Variants in PIP5K1B observed in about 807,000 individuals in gnomAD.
The protein encoded by PIP5K1B is phosphatidylinositol 4-phosphate 5-kinase type-1 beta.
PIP5K1B carries 42 observed loss-of-function variants against 67.0 expected under a neutral mutation model. The ratio of observed to expected loss-of-function variants is 0.63; its 90% CI spans 0.49 to 0.81. PIP5K1B has a LOEUF of 0.81. Among genes scored for constraint, PIP5K1B ranks in the 30% least tolerant of loss-of-function variants. The pLI is 0.00. For synonymous variants in PIP5K1B, 214 were observed against 231.4 expected, an observed-to-expected ratio of 0.92 and a Z score of 0.68; for missense variants, 459 against 646.3, an observed-to-expected ratio of 0.71 and a Z score of 3.14.
At chr9:69,003,806 G>T (rs995485745) in intron 15 of PIP5K1B, among the ~76,000 whole-genome samples, 5 of 152,120 alleles carry the variant, frequency 3.3e-5, no homozygotes, top group Admixed American at 2.0e-4. Context: ...AGTAAACCGA[G>T]GCCATCTGAG....
intron 8 of PIP5K1B, among the ~76,000 whole-genome samples, chr9:68,916,210 G>C (rs980568185): frequency 1.3e-5 from 2 of 152,106 alleles, no homozygotes; most frequent in African/African-American, 2.4e-5. Flanking sequence ...AGAAATACCA[G>C]GTATTAAGAA....
chr9:68,820,208 T>C (rs745950822), intron 3 of PIP5K1B, among the ~76,000 whole-genome samples: 9 of 152,236 alleles, frequency 5.9e-5, no homozygotes, highest in Non-Finnish European at 1.3e-4. Flanking sequence ...TGAAGGCCTG[T>C]ATTTTACCCT....
chr9:68,833,309 A>G (rs1177928478), intron 4 of PIP5K1B, among the ~76,000 whole-genome samples: 2 of 152,256 alleles, frequency 1.3e-5, no homozygotes, highest in African/African-American at 4.8e-5. Context: ...GGCAGTCAAG[A>G]TAAGAGTGGA....
At chr9:68,990,952 G>A (rs971786144) in intron 14 of PIP5K1B, among the ~76,000 whole-genome samples, 188 bp from the exon 15 acceptor site, 13 of 152,072 alleles carry the variant, frequency 8.5e-5, no homozygotes, top group Admixed American at 3.9e-4. Context: ...ATGAGCCACC[G>A]CGCCTGGGCT....
chr9:68,949,617 G>T (rs1275954663), intron 14 of PIP5K1B, among the ~76,000 whole-genome samples: 1 of 152,192 alleles, frequency 6.6e-6, no homozygotes, highest in Non-Finnish European at 1.5e-5. Flanking sequence ...AGACATGCCT[G>T]GACAGGCCCT....
rs1225056161 is a variant in PIP5K1B at position 68,919,557 on chromosome 9, A to G, written c.1062A>G (p.Ser354=). ...TGGGCATTATTGACATTCTGCAATC[A>G]TATAGGTAAGAAGTTTGAGGAGTGG... ...LFMGIIDILQ[S]YRLMKKLEHS... Residue 354 remains serine (S), a synonymous_variant, in exon 10 of 16, where the codon TCA becomes TCG. Coordinates refer to ENST00000265382, the MANE Select transcript of PIP5K1B (RefSeq NM_003558.4). 1 of 1,573,352 alleles carries G rather than the reference A, an allele frequency of 6.4e-7. No individual in the cohort carries two copies. The highest frequency in any genetic ancestry group is 8.7e-7 in the Non-Finnish European group (1 of 1,147,262).
intron 8 of PIP5K1B, 136 bp downstream of exon 8, chr9:68,894,774 C>T (rs375360331): frequency 4.3e-5 from 34 of 797,718 alleles, no homozygotes; most frequent in East Asian, 1.6e-4. Context: ...CCAATCCTGG[C>T]GCTGAGCCAT....
intron 4 of PIP5K1B, among the ~76,000 whole-genome samples, chr9:68,826,502 C>T (rs1046680547): frequency 6.6e-6 from 1 of 152,224 alleles, no homozygotes; most frequent in Non-Finnish European, 1.5e-5. Context: ...TAAAAATACA[C>T]TCTGGGCAAA....
At chr9:68,902,292 G>T (rs1186768854) in intron 8 of PIP5K1B, among the ~76,000 whole-genome samples, 2 of 152,084 alleles carry the variant, frequency 1.3e-5, no homozygotes, top group Non-Finnish European at 2.9e-5. Flanking sequence ...TCCTAATCCT[G>T]TGCAATTACC....
chr9:68,938,908 C>T (rs1827414375), intron 13 of PIP5K1B, among the ~76,000 whole-genome samples: 1 of 152,182 alleles, frequency 6.6e-6, no homozygotes, highest in African/African-American at 2.4e-5. Flanking sequence ...TTGTCTCTGA[C>T]CTCTAGACCC....
At chr9:68,918,295 G>T (rs1220882880) in intron 9 of PIP5K1B, among the ~76,000 whole-genome samples, 1 of 152,012 alleles carries the variant, frequency 6.6e-6, no homozygotes, top group African/African-American at 2.4e-5. Context: ...TCACCATGTT[G>T]CCCAGGCTGG....
chr9:68,934,837 G>A, intron 12 of PIP5K1B, 53 bp from the exon 13 acceptor site: 11 of 1,243,398 alleles, frequency 8.8e-6, no homozygotes, highest in East Asian at 2.6e-5. Context: ...AAATAAAATA[G>A]TAATGTGATT....
chr9:68,922,451 ACT>A (rs978783999), intron 11 of PIP5K1B, among the ~76,000 whole-genome samples: 10 of 151,852 alleles, frequency 6.6e-5, no homozygotes, highest in African/African-American at 1.9e-4. Flanking sequence ...ACAGAGCAAG[ACT>A]CTGTCTCAAA....
intron 14 of PIP5K1B, among the ~76,000 whole-genome samples, chr9:68,974,916 G>A (rs975491765): frequency 1.3e-5 from 2 of 152,230 alleles, no homozygotes; most frequent in African/African-American, 4.8e-5. Context: ...AACCCTGTGT[G>A]TTTTTAGCAC....
chr9:68,954,683 A>G (rs1417347173), intron 14 of PIP5K1B, among the ~76,000 whole-genome samples: 15 of 152,222 alleles, frequency 9.9e-5, no homozygotes, highest in Admixed American at 9.8e-4. Context: ...CATGCCCCAT[A>G]GACAAGCCCC....
chr9:68,762,601 A>C (rs908410614), intron 2 of PIP5K1B, among the ~76,000 whole-genome samples: 2 of 152,116 alleles, frequency 1.3e-5, no homozygotes, highest in African/African-American at 4.8e-5. Flanking sequence ...GAAGAGATAA[A>C]CCAGAGATTT....
intron 1 of PIP5K1B, among the ~76,000 whole-genome samples, chr9:68,709,543 T>C (rs1827288116): frequency 6.6e-6 from 1 of 152,158 alleles, no homozygotes; most frequent in Non-Finnish European, 1.5e-5. Context: ...AAAATGTTTG[T>C]TTTTATCTAT....
intron 2 of PIP5K1B, among the ~76,000 whole-genome samples, chr9:68,813,333 G>C (rs1833266963): frequency 6.6e-6 from 1 of 152,228 alleles, no homozygotes; most frequent in Non-Finnish European, 1.5e-5. Flanking sequence ...TGTTCATTAA[G>C]ATTTCTTAAA....
intron 8 of PIP5K1B, 74 bp from the exon 9 acceptor site, chr9:68,917,474 G>A (rs896064153): frequency 9.7e-7 from 1 of 1,029,708 alleles, no homozygotes; most frequent in Non-Finnish European, 1.5e-6. Flanking sequence ...TATATCTAGA[G>A]CTCTCTGATA....
Sources: allele counts gnomAD v4.1 joint callset (sites outside exome capture counted in the v4.1 genomes callset), GRCh38; gene constraint gnomAD v4.1.1; transcripts MANE v1.5; gene names NCBI Gene and HGNC (gene_info 2026-07-23, HGNC 2026-07-21).